PPP4R3B: variants seen among roughly 807,000 people sequenced by gnomAD.
PPP4R3B encodes the protein serine/threonine-protein phosphatase 4 regulatory subunit 3B.
Under a neutral mutation model 95.4 loss-of-function variants are expected in PPP4R3B, and 52 were observed. The ratio of observed to expected loss-of-function variants is 0.54; its 90% confidence interval spans 0.44 to 0.69. The LOEUF is 0.69. Ranked by LOEUF, PPP4R3B falls within the 30% of genes least tolerant of loss-of-function variation. PPP4R3B has a pLI of 0.00. For missense variants in PPP4R3B, 1,003 were observed against 1,005.9 expected (o/e 1.00, Z 0.04); for synonymous variants, 407 against 343.9 (o/e 1.18, Z -2.03).
chr2:55,599,970 A>G, intron 3 of PPP4R3B, among the ~76,000 whole-genome samples: 1 of 152,320 alleles, frequency 6.6e-6, no homozygotes, highest in Non-Finnish European at 1.5e-5. Context: ...ATGTACTTCT[A>G]AACTTATGCT....
At chr2:55,551,603 T>C (rs1303283885) in intron 16 of PPP4R3B, among the ~76,000 whole-genome samples, 1 of 151,880 alleles carries the variant, frequency 6.6e-6, no homozygotes. Context: ...ATAAAAAAAT[T>C]AGCCAGGAGT....
intron 4 of PPP4R3B, among the ~76,000 whole-genome samples, chr2:55,591,943 T>A (rs780478137): frequency 2.0e-4 from 31 of 152,330 alleles, no homozygotes; most frequent in Non-Finnish European, 4.0e-4. Context: ...CTCTTTTAGT[T>A]TTTCTTTTCT....
intron 3 of PPP4R3B, among the ~76,000 whole-genome samples, chr2:55,603,059 TCTC>T (rs1322630571): frequency 6.6e-6 from 1 of 151,964 alleles, no homozygotes; most frequent in Non-Finnish European, 1.5e-5. Flanking sequence ...TTCCAGCTAT[TCTC>T]CTGCCTCAGC....
chr2:55,570,413 C>A (rs1205291832), intron 12 of PPP4R3B, among the ~76,000 whole-genome samples: 1 of 152,176 alleles, frequency 6.6e-6, no homozygotes, highest in Non-Finnish European at 1.5e-5. Flanking sequence ...AGAAGTACAA[C>A]TTGACTTCAC....
chr2:55,560,932 C>G (rs200676281), intron 15 of PPP4R3B, among the ~76,000 whole-genome samples: 1 of 152,202 alleles, frequency 6.6e-6, no homozygotes, highest in East Asian at 1.9e-4. Context: ...TGCAGCCTGA[C>G]CATGCAGTAG....
rs747155910 is a variant in PPP4R3B, at chr2:55,558,960, T to C, written c.2269A>G (p.Ser757Gly). The C allele has an allele frequency of 4.4e-6, 7 of 1,604,974 alleles. No individual in the cohort carries two copies. In the Admixed American group the frequency reaches 5.2e-5, roughly 12 times the overall value. The change falls in exon 16 of 17, where the codon AGT becomes GGT. Residue 757 changes from serine to glycine, a missense_variant. This residue lies in a region of PPP4R3B where 229 missense variants were observed against 194.7 expected (regional missense o/e 1.18). Coordinates refer to ENST00000616407, the MANE Select transcript of PPP4R3B (RefSeq NM_001122964.3). ...TTGGGAAGGTTTTCCTTGTCTTCAC[T>C]TTCTTTTGCTAAAGCAAAAGTAAAA... Reference protein sequence around the residue: ...KFMETKKAKESEDKENLPKRT... With the variant: ...KFMETKKAKEGEDKENLPKRT...
intron 9 of PPP4R3B, 119 bp downstream of exon 9, chr2:55,579,560 G>A (rs1463377325): frequency 3.6e-6 from 2 of 550,208 alleles, no homozygotes; most frequent in Non-Finnish European, 5.9e-6. Flanking sequence ...TGCAGTTTAA[G>A]TTTTTCAGTC....
chr2:55,615,188 G>A (rs990831923), intron 2 of PPP4R3B: 1 of 380,472 alleles, frequency 2.6e-6, no homozygotes, highest in Non-Finnish European at 4.8e-6. Flanking sequence ...AGGTATAGAA[G>A]AGACTTGGCT....
intron 16 of PPP4R3B, among the ~76,000 whole-genome samples, chr2:55,556,824 T>C (rs1685905674): frequency 6.6e-6 from 1 of 151,994 alleles, no homozygotes; most frequent in Non-Finnish European, 1.5e-5. Flanking sequence ...CCTAACACTG[T>C]GGGAAGCTGA....
intron 16 of PPP4R3B, among the ~76,000 whole-genome samples, chr2:55,552,966 T>C (rs558221311): frequency 5.4e-4 from 82 of 152,188 alleles, no homozygotes; most frequent in African/African-American, 1.8e-3. Flanking sequence ...CACCAAAATA[T>C]TGGGGAAAGC....
At chr2:55,611,934 TG>T (rs1414021693) in intron 2 of PPP4R3B, among the ~76,000 whole-genome samples, 1 of 152,116 alleles carries the variant, frequency 6.6e-6, no homozygotes, top group East Asian at 1.9e-4. Flanking sequence ...GATCTTGCTA[TG>T]TTGTGCAGGC....
At position 55,577,365 on chromosome 2, in the gene PPP4R3B, A is replaced by G. The variant is rs779680722; in HGVS notation, c.1565-9T>C. The G allele has an allele frequency of 6.9e-7, 1 of 1,457,520 alleles. No individual in the cohort carries two copies. The highest frequency in any genetic ancestry group is 9.1e-7 in the Non-Finnish European group (1 of 1,103,974). 90.3% of individuals were successfully genotyped at this position (1,457,520 alleles called of 1,614,324 possible). On this transcript the variant is annotated splice_polypyrimidine_tract_variant and intron_variant, in intron 10 of 16. Transcript: ENST00000616407. ...TGATCCAACTATATTATCTAATAAAAAAATTAAAAATTAAAATAAAATACT... is the reference window on the plus strand; with the variant it reads ...TGATCCAACTATATTATCTAATAAAGAAATTAAAAATTAAAATAAAATACT...
Position 55,549,681 on chromosome 2 carries a change from G to A in PPP4R3B, c.*230C>T, listed in dbSNP as rs1685032451. On this transcript the variant is annotated 3_prime_UTR_variant, in exon 17 of 17. Transcript: ENST00000616407. ...TGTCTCCCAGGTTCTGGTTACTAAT[G>A]TTTGTTTTGACAGCCTAAAAGGCAA... 2.1e-6 allele frequency: 1 copy of A among 473,460 alleles called. No individual in the cohort carries two copies. The highest frequency in any genetic ancestry group is 4.0e-5 in the East Asian group (1 of 25,116). The allele number at this position is 473,460 out of a possible 1,614,324, so 29.3% of individuals were successfully genotyped here.
At chr2:55,598,119 C>A (rs1048591631) in intron 4 of PPP4R3B, among the ~76,000 whole-genome samples, 6 of 152,022 alleles carry the variant, frequency 3.9e-5, no homozygotes, top group Non-Finnish European at 8.8e-5. Flanking sequence ...AATCGGGAGG[C>A]TGAGGAAGAA....
intron 2 of PPP4R3B, among the ~76,000 whole-genome samples, chr2:55,612,620 C>T (rs1463002282): frequency 6.6e-6 from 1 of 152,000 alleles, no homozygotes; most frequent in African/African-American, 2.4e-5. Context: ...GACAACATAA[C>T]GAGACCCCAT....
chr2:55,611,191 C>A (rs1231077207), intron 2 of PPP4R3B, among the ~76,000 whole-genome samples: 1 of 152,012 alleles, frequency 6.6e-6, no homozygotes. Flanking sequence ...AGATATGTTG[C>A]CCAGGCTGGG....
chr2:55,550,715 G>A (rs928049051), intron 16 of PPP4R3B, among the ~76,000 whole-genome samples: 1 of 152,166 alleles, frequency 6.6e-6, no homozygotes, highest in Admixed American at 6.5e-5. Flanking sequence ...GAGGGCTACT[G>A]TAAACACTGT....
intron 16 of PPP4R3B, among the ~76,000 whole-genome samples, chr2:55,558,250 C>T (rs959706995): frequency 9.2e-5 from 14 of 152,280 alleles, no homozygotes; most frequent in African/African-American, 3.4e-4. Flanking sequence ...AATGCAGTAA[C>T]ACTAAGTAGT....
rs370761854 is a variant in PPP4R3B, at chr2:55,579,985, T to C, written c.1366-204A>G. Among the ~76,000 whole-genome samples, 30 of 152,252 alleles carry C rather than the reference T, an allele frequency of 2.0e-4. No individual in the cohort carries two copies. In the East Asian group the frequency reaches 4.6e-3, roughly 23 times the overall value. On this transcript the variant is annotated intron_variant, in intron 8 of 16. Coordinates refer to ENST00000616407, the MANE Select transcript of PPP4R3B (RefSeq NM_001122964.3). ...GTCAAAGAACCAAAAACTAACTATA[T>C]TCACTTTAATCTTATTTCTGTGGAA...
Sources: gnomAD v4.1 joint callset for allele counts (sites outside exome capture counted in the v4.1 genomes callset) on GRCh38, gnomAD v4.1.1 for gene constraint, gnomAD v4.1.1 regional missense constraint, MANE v1.5 for transcripts, NCBI Gene and HGNC (gene_info 2026-07-23, HGNC 2026-07-21) for gene names.